DLG2: variants seen among roughly 807,000 people sequenced by gnomAD.
DLG2 encodes disks large homolog 2.
Under a neutral mutation model 132.5 loss-of-function variants are expected in DLG2, and 45 were observed. That is an observed-to-expected ratio of 0.34 (90% confidence interval 0.27 to 0.44). The LOEUF (loss-of-function observed/expected upper bound fraction) is 0.44, where lower values mean the gene tolerates loss of function less well. Among genes scored for constraint, DLG2 ranks in the 20% least tolerant of loss-of-function variants. The pLI, the probability that DLG2 is intolerant of heterozygous loss-of-function variation, is 1.00. For missense variants in DLG2, 1,045 were observed against 1,196.9 expected, an observed-to-expected ratio of 0.87 and a Z score of 1.87; for synonymous variants, 424 against 419.6, an observed-to-expected ratio of 1.01 and a Z score of -0.13.
chr11:84,858,792 A>G (rs555047980), intron 6 of DLG2, among the ~76,000 whole-genome samples: 1 of 152,158 alleles, frequency 6.6e-6, no homozygotes, highest in Non-Finnish European at 1.5e-5. Flanking sequence ...TAAAACTAAC[A>G]TCATGGGAAA....
rs1591515615 is a variant in DLG2 at position 84,934,546 on chromosome 11, TG to T, written c.357+177114del. Reference sequence around the variant, plus strand: ...TTTTGTTTTTTTTTTTTTTTTTTTTTGGTGGGTAGGCTATTTATTACTGTCT... The same window carrying T: ...TTTTGTTTTTTTTTTTTTTTTTTTTTGTGGGTAGGCTATTTATTACTGTCT... On this transcript the variant is annotated intron_variant, in intron 6 of 27. Coordinates refer to ENST00000376104, the MANE Select transcript of DLG2 (RefSeq NM_001142699.3). Among the ~76,000 whole-genome samples the T allele has an allele frequency of 3.1e-5, 4 of 128,714 alleles. No individual in the cohort carries two copies. In the East Asian group the frequency reaches 8.0e-4, roughly 26 times the overall value. 84.4% of individuals were successfully genotyped at this position (128,714 alleles called of 152,430 possible).
chr11:84,690,168 G>T (rs1453792241), intron 6 of DLG2, among the ~76,000 whole-genome samples: 1 of 151,692 alleles, frequency 6.6e-6, no homozygotes, highest in Non-Finnish European at 1.5e-5. Flanking sequence ...TGATCAAAGG[G>T]TACAAAGTTT....
chr11:84,790,370 C>T (rs1223392496), intron 6 of DLG2, among the ~76,000 whole-genome samples: 2 of 152,148 alleles, frequency 1.3e-5, no homozygotes, highest in Admixed American at 1.3e-4. Context: ...TACCTCTTTA[C>T]CATTTGTATG....
intron 6 of DLG2, among the ~76,000 whole-genome samples, chr11:85,084,191 A>T (rs1234947121): frequency 2.6e-5 from 4 of 152,164 alleles, no homozygotes; most frequent in Non-Finnish European, 5.9e-5. Flanking sequence ...AGAAGAAGAA[A>T]AATTGATTAT....
At chr11:83,897,105 C>A (rs1051160409) in intron 15 of DLG2, among the ~76,000 whole-genome samples, 1 of 152,084 alleles carries the variant, frequency 6.6e-6, no homozygotes, top group African/African-American at 2.4e-5. Context: ...TAATAACATT[C>A]ATGTTTAGTC....
intron 15 of DLG2, among the ~76,000 whole-genome samples, chr11:83,926,103 T>C (rs1173306546): frequency 6.6e-6 from 1 of 151,026 alleles, no homozygotes. Context: ...AACTAACAAC[T>C]TCTCTGTTTT....
intron 8 of DLG2, among the ~76,000 whole-genome samples, chr11:84,190,448 T>C (rs144709272): frequency 4.9e-4 from 74 of 152,254 alleles, no homozygotes; most frequent in African/African-American, 1.7e-3. Flanking sequence ...TGGGTCTTTT[T>C]CCCCCTCTAG....
At chr11:85,021,633 GT>G (rs1165278973) in intron 6 of DLG2, 4 of 1,237,158 alleles carry the variant, frequency 3.2e-6, no homozygotes, top group Non-Finnish European at 3.6e-6. Context: ...GATCTGTCTT[GT>G]TGGTAACGTT....
At chr11:84,904,235 A>T (rs543997901) in intron 6 of DLG2, among the ~76,000 whole-genome samples, 5 of 152,152 alleles carry the variant, frequency 3.3e-5, no homozygotes, top group Admixed American at 6.6e-5. Flanking sequence ...TGGTGCAACA[A>T]ATTCTATCTA....
intron 18 of DLG2, among the ~76,000 whole-genome samples, chr11:83,768,942 T>C (rs1055902380): frequency 5.9e-5 from 9 of 152,240 alleles, no homozygotes; most frequent in Non-Finnish European, 8.8e-5. Context: ...TACTTAATTG[T>C]TGTGTAACTT....
At chr11:83,867,555 G>A (rs1432122767) in intron 16 of DLG2, among the ~76,000 whole-genome samples, 1 of 151,930 alleles carries the variant, frequency 6.6e-6, no homozygotes, top group African/African-American at 2.4e-5. Flanking sequence ...TGATGATAGT[G>A]GATAACGTCT....
At chr11:85,068,240 CA>C (rs776997040) in intron 6 of DLG2, among the ~76,000 whole-genome samples, 5 of 152,072 alleles carry the variant, frequency 3.3e-5, no homozygotes, top group Admixed American at 6.6e-5. Context: ...AAAACTGGCA[CA>C]AGACAGGGAT....
chr11:83,900,021 G>A (rs375128690), intron 15 of DLG2, among the ~76,000 whole-genome samples: 14 of 152,156 alleles, frequency 9.2e-5, no homozygotes, highest in African/African-American at 3.4e-4. Flanking sequence ...TGAGAAACTT[G>A]TTGGGAAATG....
At chr11:83,512,586 G>T (rs1474277500) in intron 21 of DLG2, among the ~76,000 whole-genome samples, 1 of 151,786 alleles carries the variant, frequency 6.6e-6, no homozygotes, top group East Asian at 1.9e-4. Flanking sequence ...CAATGTGCAG[G>T]TTTGTTACAT....
At chr11:85,117,147 G>C (rs1022323189) in intron 5 of DLG2, among the ~76,000 whole-genome samples, 7 of 152,092 alleles carry the variant, frequency 4.6e-5, no homozygotes, top group Non-Finnish European at 1.0e-4. Flanking sequence ...CACCTGTCAA[G>C]ACAACCCTCC....
At chr11:83,795,245 A>G (rs1238735944) in intron 17 of DLG2, among the ~76,000 whole-genome samples, 1 of 151,980 alleles carries the variant, frequency 6.6e-6, no homozygotes, top group East Asian at 1.9e-4. Context: ...CTCTACTAAA[A>G]ATACAAAAAA....
At chr11:83,825,335 C>T (rs1250678174) in intron 17 of DLG2, among the ~76,000 whole-genome samples, 3 of 151,552 alleles carry the variant, frequency 2.0e-5, no homozygotes, top group Non-Finnish European at 2.9e-5. Context: ...GCATGCACCA[C>T]CACGTCCGGC....
chr11:85,303,993 T>C (rs538972653), intron 3 of DLG2, among the ~76,000 whole-genome samples: 5 of 152,310 alleles, frequency 3.3e-5, no homozygotes, highest in African/African-American at 1.2e-4. Flanking sequence ...TTCAAAAATA[T>C]TTTTTGTGGA....
At chr11:84,784,321 A>AAAATAAATAAATAAATAAAT (rs58436058) in intron 6 of DLG2, among the ~76,000 whole-genome samples, 14 of 124,486 alleles carry the variant, frequency 1.1e-4, no homozygotes, top group African/African-American at 2.6e-4. Flanking sequence ...ACTCCACCTC[A>AAAATAAATAAATAAATAAAT]AAATAAATAA....
Sources: allele counts gnomAD v4.1 joint callset (sites outside exome capture counted in the v4.1 genomes callset), GRCh38; gene constraint gnomAD v4.1.1; transcripts MANE v1.5; gene names NCBI Gene and HGNC (gene_info 2026-07-23, HGNC 2026-07-21).